PARP11: variants seen among roughly 807,000 people sequenced by gnomAD.
PARP11 encodes the protein poly(ADP-ribose) polymerase family member 11, also known as protein mono-ADP-ribosyltransferase PARP11.
In PARP11, 31 loss-of-function variants were observed where a neutral mutation model predicts 42.9. That is an observed-to-expected ratio of 0.72 (90% confidence interval 0.54 to 0.98). The LOEUF (loss-of-function observed/expected upper bound fraction) is 0.98. Ranked by LOEUF, PARP11 falls within the 50% of genes least tolerant of loss-of-function variation. The probability of loss-of-function intolerance (pLI) is 0.00; values close to 1 mark genes in which losing one functional copy is unlikely to be tolerated. For synonymous variants in PARP11, 137 were observed against 127.3 expected, an observed-to-expected ratio of 1.08 and a Z score of -0.51; for missense variants, 365 against 413.1, an observed-to-expected ratio of 0.88 and a Z score of 1.01.
chr12:3,840,377 A>G lies in PARP11; in HGVS notation c.19-10359T>C. ...GGACAAAATTTCCATTCTGATATGG[A>G]TTACAGAGGGCCAAAGAATCCAAGC... On this transcript the variant is annotated intron_variant, in intron 1 of 7. Transcript: ENST00000228820. This position sits in a 1 kb window ranked among gnomAD's most constrained non-coding sequence, Gnocchi z 4.4. 1 of 1,614,052 alleles carries G rather than the reference A, an allele frequency of 6.2e-7. No homozygotes were observed. The highest frequency in any genetic ancestry group is 8.5e-7 in the Non-Finnish European group (1 of 1,179,884).
At chr12:3,814,907 T>C in intron 6 of PARP11, 1 of 297,546 alleles carries the variant, frequency 3.4e-6, no homozygotes, top group Non-Finnish European at 6.9e-6. Flanking sequence ...CAAAAAGAGA[T>C]AGAGAACTCA....
intron 7 of PARP11, among the ~76,000 whole-genome samples, 196 bp downstream of exon 7, chr12:3,813,841 T>C (rs547607516): frequency 6.6e-6 from 1 of 152,350 alleles, no homozygotes; most frequent in South Asian, 2.1e-4. Context: ...CTAATATTCT[T>C]ACCTATGATT....
intron 6 of PARP11, among the ~76,000 whole-genome samples, chr12:3,818,977 T>C (rs1176051102): frequency 6.6e-6 from 1 of 152,182 alleles, no homozygotes; most frequent in African/African-American, 2.4e-5. Flanking sequence ...TCTTCATTCC[T>C]ATAGTTTCTA....
chr12:3,869,039 CTCCT>C (rs1440374963), intron 1 of PARP11, among the ~76,000 whole-genome samples: 7 of 152,096 alleles, frequency 4.6e-5, no homozygotes, highest in African/African-American at 1.4e-4. Context: ...GGCTTGTGAC[CTCCT>C]TCCTTCATCT....
At chr12:3,870,756 T>C (rs368644435) in intron 1 of PARP11, among the ~76,000 whole-genome samples, 4 of 152,160 alleles carry the variant, frequency 2.6e-5, no homozygotes, top group East Asian at 1.9e-4. Context: ...ATTTAAAACC[T>C]TGAGTAAGAC....
intron 2 of PARP11, among the ~76,000 whole-genome samples, chr12:3,829,275 T>C (rs774536680): frequency 1.3e-5 from 2 of 152,182 alleles, no homozygotes; most frequent in African/African-American, 4.8e-5. Flanking sequence ...TATAGAAATA[T>C]AGTTATTTTT....
chr12:3,845,349 G>T (rs995218563), intron 1 of PARP11, among the ~76,000 whole-genome samples: 1 of 152,146 alleles, frequency 6.6e-6, no homozygotes, highest in South Asian at 2.1e-4. Context: ...CCACAATGCC[G>T]ATATATCTTA....
chr12:3,852,537 A>G (rs188027097), intron 1 of PARP11, among the ~76,000 whole-genome samples: 169 of 152,360 alleles, frequency 1.1e-3, no homozygotes, highest in African/African-American at 3.5e-3. Flanking sequence ...AAAGGGTATC[A>G]GTGACTGAAG....
At chr12:3,867,368 G>A (rs1306089731) in intron 1 of PARP11, among the ~76,000 whole-genome samples, 1 of 152,160 alleles carries the variant, frequency 6.6e-6, no homozygotes, top group Non-Finnish European at 1.5e-5. Context: ...CAAGTTTGCT[G>A]GCTGTCAAGG....
rs762575037 is a variant in PARP11, at chr12:3,821,955, G to C, written c.466C>G (p.Leu156Val). 1 of 1,610,234 alleles carries C rather than the reference G, an allele frequency of 6.2e-7. No homozygotes were observed. The highest frequency in any genetic ancestry group is 8.5e-7 in the Non-Finnish European group (1 of 1,178,814). The change falls in exon 6 of 8, where the codon CTC becomes GTC. Residue 156 changes from leucine (L) to valine (V), a missense_variant. Physicochemically the swap from Leu to Val is conservative, Grantham distance 32. Coordinates refer to ENST00000228820, the MANE Select transcript of PARP11 (RefSeq NM_020367.6). Reference protein sequence around the residue: ...QTHEYNEVANLFGKTMDRNRI... With the variant: ...QTHEYNEVANVFGKTMDRNRI... ...TTGCGATCCATCGTCTTCCCAAAGA[G>C]ATTAGCAACTTCATTATATTCATGT...
intron 4 of PARP11, 136 bp downstream of exon 4, chr12:3,826,022 C>T: frequency 1.8e-6 from 1 of 554,448 alleles, no homozygotes; most frequent in Non-Finnish European, 3.1e-6. Context: ...AGCCACTGCG[C>T]CTGGCCCAAG....
intron 1 of PARP11, among the ~76,000 whole-genome samples, chr12:3,830,362 A>G (rs537427856): frequency 6.6e-6 from 1 of 152,322 alleles, no homozygotes; most frequent in South Asian, 2.1e-4. Flanking sequence ...TTTGGTCAAA[A>G]GGACCCATGC....
At chr12:3,862,227 T>C (rs944199563) in intron 1 of PARP11, among the ~76,000 whole-genome samples, 1 of 152,128 alleles carries the variant, frequency 6.6e-6, no homozygotes, top group Admixed American at 6.5e-5. Context: ...AGTTTTAGAC[T>C]AGATCACTTG....
intron 1 of PARP11, among the ~76,000 whole-genome samples, chr12:3,863,273 T>A (rs958256362): frequency 3.9e-5 from 6 of 152,214 alleles, no homozygotes; most frequent in Admixed American, 3.9e-4. Context: ...AAGATTCCAT[T>A]AGATTTTTAC....
intron 1 of PARP11, among the ~76,000 whole-genome samples, chr12:3,846,837 C>T (rs1007601710): frequency 4.6e-5 from 7 of 151,854 alleles, no homozygotes; most frequent in South Asian, 4.2e-4. Flanking sequence ...ATAATCCCAG[C>T]ACTTTGGGAG....
At chr12:3,830,053 T>C in intron 1 of PARP11, 35 bp from the exon 2 acceptor site, 4 of 1,596,452 alleles carry the variant, frequency 2.5e-6, no homozygotes, top group Non-Finnish European at 3.4e-6. Context: ...GAAGAAATAA[T>C]TCTATTAATA....
chr12:3,817,818 T>G lies in PARP11; in HGVS notation c.549-3630A>C, dbSNP rs73251454. Among the ~76,000 whole-genome samples, 1,304 of 152,298 alleles carry G rather than the reference T, an allele frequency of 8.6e-3. 19 individuals are homozygous for G. Among genetic ancestry groups the G allele is most frequent in the African/African-American group, 0.03 (1,231 of 41,568 alleles). ...AGATTTAGAACACCTGTCATCCTGC[T>G]GAACATCAGAGCCACTTATGGAATT... On this transcript the variant is annotated intron_variant, in intron 6 of 7. Transcript: ENST00000228820.
intron 1 of PARP11, among the ~76,000 whole-genome samples, chr12:3,846,328 T>TA (rs1370051100): frequency 6.7e-6 from 1 of 149,714 alleles, no homozygotes; most frequent in East Asian, 1.9e-4. Flanking sequence ...ATGAAAAAGG[T>TA]GACAACTGAG....
At chr12:3,838,390 C>A (rs533195366) in intron 1 of PARP11, among the ~76,000 whole-genome samples, 125 of 152,074 alleles carry the variant, frequency 8.2e-4, no homozygotes, top group African/African-American at 2.9e-3. Context: ...AATTTAAAAT[C>A]TCTTAAAGCA....
Sources: gnomAD v4.1 joint callset for allele counts (sites outside exome capture counted in the v4.1 genomes callset) on GRCh38, gnomAD v4.1.1 for gene constraint, Gnocchi (gnomAD v3.1) non-coding constraint, MANE v1.5 for transcripts, NCBI Gene and HGNC (gene_info 2026-07-23, HGNC 2026-07-21) for gene names.